The following ZFAT variants were observed in gnomAD, a reference collection of about 807,000 sequenced individuals.
The protein encoded by ZFAT is zinc finger protein ZFAT.
In ZFAT, 64 loss-of-function variants were observed where a neutral mutation model predicts 117.7. The observed-to-expected ratio is 0.54, with a 90% CI of 0.44 to 0.67. ZFAT has a LOEUF of 0.67. Among genes scored for constraint, ZFAT ranks in the 30% least tolerant of loss-of-function variants. ZFAT has a pLI of 0.00. For missense variants in ZFAT, 1,433 were observed against 1,584.5 expected, an observed-to-expected ratio of 0.90 and a Z score of 1.62; for synonymous variants, 679 against 615.0, an observed-to-expected ratio of 1.10 and a Z score of -1.54.
At chr8:134,747,658 C>T in the ZFAT span, among the ~76,000 whole-genome samples, 4 of 152,162 alleles carry the variant, frequency 2.6e-5, no homozygotes, top group African/African-American at 7.2e-5. Flanking sequence ...CTGTGAAGAA[C>T]AAATTTAGGT....
At chr8:134,566,122 C>T (rs1234078110) in intron 10 of ZFAT, among the ~76,000 whole-genome samples, 8 of 152,108 alleles carry the variant, frequency 5.3e-5, no homozygotes, top group African/African-American at 7.2e-5. Context: ...AGGCCGGGCG[C>T]GGTGGCTCAT....
At chr8:134,739,815 G>A in the ZFAT span, among the ~76,000 whole-genome samples, 2 of 152,204 alleles carry the variant, frequency 1.3e-5, no homozygotes, top group East Asian at 1.9e-4. Context: ...CCATTTCAAC[G>A]GAAGGTACCA....
At chr8:134,546,705 C>T (rs574985088) in intron 11 of ZFAT, among the ~76,000 whole-genome samples, 10 of 152,312 alleles carry the variant, frequency 6.6e-5, no homozygotes, top group African/African-American at 2.4e-4. Flanking sequence ...TGACACTTCT[C>T]ACAACCCCTA....
intron 15 of ZFAT, among the ~76,000 whole-genome samples, chr8:134,501,603 A>G (rs912439585): frequency 4.6e-5 from 7 of 152,188 alleles, no homozygotes; most frequent in African/African-American, 1.7e-4. Flanking sequence ...GAGAGAATAC[A>G]GGTCTGCTAT....
chr8:134,688,837 C>T (rs1000064316), intron 1 of ZFAT, among the ~76,000 whole-genome samples: 8 of 152,178 alleles, frequency 5.3e-5, no homozygotes, highest in South Asian at 4.1e-4. Context: ...CTCAGGGAAC[C>T]GAGAGCTGCA....
At chr8:134,815,223 A>G in the ZFAT span, among the ~76,000 whole-genome samples, 3 of 152,228 alleles carry the variant, frequency 2.0e-5, no homozygotes, top group African/African-American at 4.8e-5. Context: ...TAAAAGGAAA[A>G]CAATCCACAA....
intron 3 of ZFAT, among the ~76,000 whole-genome samples, chr8:134,624,638 C>T (rs1055873988): frequency 6.6e-6 from 1 of 151,958 alleles, no homozygotes; most frequent in African/African-American, 2.4e-5. Context: ...GTTTGGGCAA[C>T]AAGAGCAAAA....
chr8:134,543,050 G>T (rs939729668), intron 11 of ZFAT, among the ~76,000 whole-genome samples: 11 of 150,892 alleles, frequency 7.3e-5, no homozygotes, highest in African/African-American at 2.7e-4. Flanking sequence ...AGAAGAGATG[G>T]GATCATGTAC....
upstream of ZFAT, among the ~76,000 whole-genome samples, chr8:134,713,504 C>G (rs1462968229): frequency 6.6e-6 from 1 of 152,216 alleles, no homozygotes; most frequent in African/African-American, 2.4e-5. Flanking sequence ...GGGGTGCTTT[C>G]CTTTGGGCCA....
chr8:134,703,000 G>T (rs993449283), intron 1 of ZFAT, among the ~76,000 whole-genome samples: 2 of 152,186 alleles, frequency 1.3e-5, no homozygotes, highest in Non-Finnish European at 1.5e-5. Context: ...AAATTACCCA[G>T]TCTCGGGTAT....
chr8:134,565,104 C>G, intron 11 of ZFAT: 1 of 1,502,082 alleles, frequency 6.7e-7, no homozygotes, highest in Non-Finnish European at 8.9e-7. Context: ...TCTGCATCCT[C>G]TTACACATCT....
the ZFAT span, among the ~76,000 whole-genome samples, chr8:134,812,579 A>G: frequency 6.6e-6 from 1 of 152,176 alleles, no homozygotes; most frequent in Admixed American, 6.5e-5. Flanking sequence ...TACTAAAAAT[A>G]CAAAAATTAA....
the ZFAT span, among the ~76,000 whole-genome samples, chr8:134,750,250 T>C: frequency 4.5e-4 from 69 of 152,190 alleles, no homozygotes; most frequent in Non-Finnish European, 7.5e-4. Context: ...ATATTACGAT[T>C]GGTATCTCTT....
At chr8:134,819,493 AC>A in the ZFAT span, among the ~76,000 whole-genome samples, 1 of 19,444 alleles carries the variant, frequency 5.1e-5, no homozygotes, top group Non-Finnish European at 1.0e-4. Context: ...TGCCGGATTT[AC>A]CACCCCCCCC....
chr8:134,757,315 C>G, the ZFAT span, among the ~76,000 whole-genome samples: 1 of 152,144 alleles, frequency 6.6e-6, no homozygotes, highest in South Asian at 2.1e-4. Flanking sequence ...CCGCACCCAG[C>G]CCTTCCTTCC....
At chr8:134,544,847 T>A (rs1289785877) in intron 11 of ZFAT, among the ~76,000 whole-genome samples, 1 of 152,146 alleles carries the variant, frequency 6.6e-6, no homozygotes, top group Non-Finnish European at 1.5e-5. Flanking sequence ...GAGAGGCTAA[T>A]GCATGCGGCT....
At chr8:134,803,862 A>G in the ZFAT span, among the ~76,000 whole-genome samples, 1 of 152,240 alleles carries the variant, frequency 6.6e-6, no homozygotes, top group African/African-American at 2.4e-5. Flanking sequence ...GAAAATAAGC[A>G]TGTAAATACA....
rs867534105 is a variant in ZFAT, at chr8:134,572,932, A to C, written c.2888-7511T>G. On this transcript the variant is annotated intron_variant, in intron 10 of 15. Coordinates refer to ENST00000377838, the MANE Select transcript of ZFAT (RefSeq NM_020863.4). ...AGATGGTAAAATGGTAAAACTCAAA[A>C]TCATAACAACCTAGATGAATCTCAC... Among the ~76,000 whole-genome samples, 11 of 152,366 alleles carry C rather than the reference A, an allele frequency of 7.2e-5. 1 individual carries two copies. The Middle Eastern group carries it at 0.01, about 141-fold the overall frequency.
chr8:134,622,977 C>T (rs1451019204), intron 3 of ZFAT, among the ~76,000 whole-genome samples: 1 of 152,170 alleles, frequency 6.6e-6, no homozygotes, highest in East Asian at 1.9e-4. Context: ...CATACTTTTA[C>T]AAAGGGTCTC....
Sources: gnomAD v4.1 joint callset for allele counts (sites outside exome capture counted in the v4.1 genomes callset) on GRCh38, gnomAD v4.1.1 for gene constraint, MANE v1.5 for transcripts, NCBI Gene and HGNC (gene_info 2026-07-23, HGNC 2026-07-21) for gene names.